Variants in PHF20 observed in about 807,000 individuals in gnomAD.
PHF20 encodes PHD finger protein 20.
A neutral mutation model predicts 113.5 loss-of-function variants in PHF20; 23 were observed. The ratio of observed to expected loss-of-function variants is 0.20; its 90% CI spans 0.15 to 0.29. The LOEUF (loss-of-function observed/expected upper bound fraction) is 0.29, where lower values mean the gene tolerates loss of function less well. Ranked by LOEUF, PHF20 falls within the 10% of genes least tolerant of loss-of-function variation. The pLI is 1.00. For synonymous variants in PHF20, 434 were observed against 457.3 expected (o/e 0.95, Z 0.65); for missense variants, 943 against 1,219.6 (o/e 0.77, Z 3.38).
intron 2 of PHF20, among the ~76,000 whole-genome samples, chr20:35,815,951 G>A (rs774678878): frequency 3.3e-5 from 5 of 152,074 alleles, no homozygotes; most frequent in Non-Finnish European, 7.4e-5. Flanking sequence ...TTGACAAAAG[G>A]CATTTATATA....
At chr20:35,944,736 T>A (rs369613948) in intron 17 of PHF20, among the ~76,000 whole-genome samples, 4 of 152,164 alleles carry the variant, frequency 2.6e-5, no homozygotes, top group African/African-American at 7.2e-5. Flanking sequence ...CCTGGCTGAT[T>A]TTGTATTTTT....
At chr20:35,775,811 A>G (rs1036163354) in intron 1 of PHF20, among the ~76,000 whole-genome samples, 7 of 146,586 alleles carry the variant, frequency 4.8e-5, no homozygotes, top group East Asian at 2.0e-4. Flanking sequence ...TTCTGTGTGT[A>G]TATATATATA....
intron 13 of PHF20, among the ~76,000 whole-genome samples, chr20:35,927,542 A>G (rs2055665515): frequency 6.6e-6 from 1 of 152,174 alleles, no homozygotes; most frequent in South Asian, 2.1e-4. Context: ...GAGGAACTGA[A>G]TTTTTAGCTT....
At chr20:35,836,091 T>G (rs2042434962) in intron 2 of PHF20, among the ~76,000 whole-genome samples, 1 of 152,214 alleles carries the variant, frequency 6.6e-6, no homozygotes. Context: ...TCACTGCAGC[T>G]TTGAACTCTT....
intron 2 of PHF20, among the ~76,000 whole-genome samples, chr20:35,821,122 C>T (rs1032998342): frequency 3.3e-5 from 5 of 152,014 alleles, no homozygotes; most frequent in Non-Finnish European, 7.4e-5. Context: ...AGGTCTTAAA[C>T]AGGGAATCAA....
intron 12 of PHF20, among the ~76,000 whole-genome samples, chr20:35,914,955 C>T (rs1328509053): frequency 7.2e-6 from 1 of 138,968 alleles, no homozygotes; most frequent in East Asian, 2.0e-4. Flanking sequence ...CAAAGCCAGA[C>T]TCCGTCTCAA....
intron 1 of PHF20, among the ~76,000 whole-genome samples, chr20:35,790,458 C>T (rs769440548): frequency 8.5e-5 from 13 of 152,158 alleles, no homozygotes; most frequent in Non-Finnish European, 1.9e-4. Context: ...GCCTCAGCCT[C>T]CCAAAGTGCT....
At chr20:35,852,253 G>T (rs1020480011) in intron 4 of PHF20, among the ~76,000 whole-genome samples, 1 of 152,136 alleles carries the variant, frequency 6.6e-6, no homozygotes, top group Admixed American at 6.6e-5. Flanking sequence ...AAGAGGGCAG[G>T]TGTTGTCAAT....
At chr20:35,786,348 G>A (rs957701214) in intron 1 of PHF20, among the ~76,000 whole-genome samples, 2 of 151,856 alleles carry the variant, frequency 1.3e-5, no homozygotes, top group South Asian at 2.1e-4. Flanking sequence ...CCGAGATCGC[G>A]CCACTGCATT....
At chr20:35,848,844 G>A (rs1390200723) in intron 4 of PHF20, among the ~76,000 whole-genome samples, 14 of 146,818 alleles carry the variant, frequency 9.5e-5, no homozygotes, top group African/African-American at 3.3e-4. Context: ...GCAGCAGAAC[G>A]AGACTCTGTC....
intron 6 of PHF20, among the ~76,000 whole-genome samples, chr20:35,864,370 A>G (rs2146975114): frequency 6.6e-6 from 1 of 151,100 alleles, no homozygotes; most frequent in East Asian, 1.9e-4. Context: ...CAAGAATTCC[A>G]AACCAGCCTG....
rs572851856 is a variant in PHF20, at chr20:35,862,949, A to G, written c.421-64A>G. 10 of 1,457,756 alleles carry G rather than the reference A, an allele frequency of 6.9e-6. No individual in the cohort carries two copies. In the East Asian group the frequency reaches 2.0e-4, roughly 30 times the overall value. The allele number at this position is 1,457,756 out of a possible 1,614,324, so 90.3% of individuals were successfully genotyped here. A position where few individuals can be genotyped will look rare whatever the true frequency, so the allele number is the denominator to read the frequency against. Reference sequence around the variant, plus strand: ...TTGTTTGTCTTCATAAGTTTGTAAGAAACTCCTAATTTTGTATTTGCAAGT... The same window carrying G: ...TTGTTTGTCTTCATAAGTTTGTAAGGAACTCCTAATTTTGTATTTGCAAGT... On this transcript the variant is annotated intron_variant, in intron 5 of 17. Transcript: ENST00000374012.
At chr20:35,871,512 C>A in intron 8 of PHF20, 138 bp from the exon 9 acceptor site, 1 of 661,858 alleles carries the variant, frequency 1.5e-6, no homozygotes, top group Non-Finnish European at 2.4e-6. Context: ...TGTATGGGAA[C>A]CTGTGAATGT....
At chr20:35,845,405 G>A (rs1246063533) in intron 3 of PHF20, 4 of 386,174 alleles carry the variant, frequency 1.0e-5, no homozygotes, top group East Asian at 8.1e-5. Flanking sequence ...TTGCTCTGTC[G>A]CCCAGTCTGA....
At chr20:35,852,612 T>G (rs889825867) in intron 4 of PHF20, among the ~76,000 whole-genome samples, 4 of 151,960 alleles carry the variant, frequency 2.6e-5, no homozygotes, top group Non-Finnish European at 5.9e-5. Context: ...CTTTTTTTTT[T>G]TTTTGAGACG....
chr20:35,846,047 G>A (rs1053355548), intron 3 of PHF20, among the ~76,000 whole-genome samples: 5 of 152,082 alleles, frequency 3.3e-5, no homozygotes, highest in Admixed American at 6.6e-5. Flanking sequence ...TTACAGGCAC[G>A]AGCCACTGTG....
rs199904992 is a variant in PHF20, at chr20:35,886,139, C to CT, written c.1283-13214dup. On this transcript the variant is annotated intron_variant, in intron 9 of 17. Coordinates refer to ENST00000374012, the MANE Select transcript of PHF20 (RefSeq NM_016436.5). ...AATCTTGAGATTATGTCAGTAAATA[C>CT]TTTTTTTTTTTTTTTTTGAGACAGA... 4.7e-3 allele frequency among the ~76,000 whole-genome samples: 644 copies of CT among 137,438 alleles called. 5 individuals are homozygous for CT. Among genetic ancestry groups the CT allele is most frequent in the African/African-American group, 0.011 (410 of 36,624 alleles). 90.2% of individuals were successfully genotyped at this position (137,438 alleles called of 152,430 possible). A position where few individuals can be genotyped will look rare whatever the true frequency, so the allele number is the denominator to read the frequency against.
chr20:35,894,106 G>T (rs2054931393), intron 9 of PHF20, among the ~76,000 whole-genome samples: 1 of 152,198 alleles, frequency 6.6e-6, no homozygotes, highest in Non-Finnish European at 1.5e-5. Context: ...GGAACCTTGT[G>T]GTTGGTTTTG....
In PHF20 at chr20:35,899,759, C is replaced by G; in HGVS notation, c.1561+111C>G. On this transcript the variant is annotated intron_variant, in intron 10 of 17. Coordinates refer to ENST00000374012, the MANE Select transcript of PHF20 (RefSeq NM_016436.5). Reference sequence around the variant, plus strand: ...TTAGGTTTGTCTGTTCCAGTTGAATCCCACAGGACTGAACATATTAAGTGA... The same window carrying G: ...TTAGGTTTGTCTGTTCCAGTTGAATGCCACAGGACTGAACATATTAAGTGA... 2.7e-6 allele frequency: 3 copies of G among 1,130,374 alleles called. No homozygotes were observed. The South Asian group carries it at 4.5e-5, about 17-fold the overall frequency. The allele number at this position is 1,130,374 out of a possible 1,614,324, so 70.0% of individuals were successfully genotyped here.
Sources: allele counts gnomAD v4.1 joint callset (sites outside exome capture counted in the v4.1 genomes callset), GRCh38; gene constraint gnomAD v4.1.1; transcripts MANE v1.5; gene names NCBI Gene and HGNC (gene_info 2026-07-23, HGNC 2026-07-21).